The following RPS27L variants were observed in gnomAD, a reference collection of about 807,000 sequenced individuals.
The protein encoded by RPS27L is ribosomal protein eS27-like.
A neutral mutation model predicts 12.8 loss-of-function variants in RPS27L; 10 were observed. The ratio of observed to expected loss-of-function variants is 0.78; its 90% CI spans 0.48 to 1.33. RPS27L has a LOEUF of 1.33. Ranked by LOEUF, RPS27L falls within the 40% of genes most tolerant of loss-of-function variation. The pLI is 0.00. For missense variants in RPS27L, 81 were observed against 97.4 expected (o/e 0.83, Z 0.71); for synonymous variants, 26 against 32.3 (o/e 0.81, Z 0.66).
intron 1 of RPS27L, chr15:63,156,767 T>C: frequency 1.7e-6 from 1 of 590,578 alleles, no homozygotes; most frequent in Non-Finnish European, 2.9e-6. Flanking sequence ...TAAGGCAAAC[T>C]TTGTCCTTCT....
At position 63,156,176 on chromosome 15, in the gene RPS27L, G is replaced by T. The variant is rs150446046; in HGVS notation, c.115+237C>A. On this transcript the variant is annotated intron_variant, in intron 2 of 3. Transcript: ENST00000330964. ...AAACAGAAAACTCATCGTCTGAAGAGCTTAAAGACTTGCTAAGTCAAATGG... is the reference window on the plus strand; with the variant it reads ...AAACAGAAAACTCATCGTCTGAAGATCTTAAAGACTTGCTAAGTCAAATGG... Among the ~76,000 whole-genome samples, 23 of 152,308 alleles carry T rather than the reference G, an allele frequency of 1.5e-4. No homozygotes were observed. In the East Asian group the frequency reaches 4.0e-3, roughly 27 times the overall value.
chr15:63,156,180 A>G (rs1205835964), intron 2 of RPS27L, among the ~76,000 whole-genome samples: 1 of 152,232 alleles, frequency 6.6e-6, no homozygotes, highest in African/African-American at 2.4e-5. Context: ...TGAAGAGCTT[A>G]AAGACTTGCT....
rs1215853023 is a variant in RPS27L at position 63,152,455 on chromosome 15, C to T, written c.*1577G>A. Reference sequence around the variant, plus strand: ...TCAGAAACTAAAAGTCTGAGAATCTCTGGGTCATCTACATATATATGTATA... The same window carrying T: ...TCAGAAACTAAAAGTCTGAGAATCTTTGGGTCATCTACATATATATGTATA... On this transcript the variant is annotated 3_prime_UTR_variant, in exon 4 of 4. Coordinates refer to ENST00000330964, the MANE Select transcript of RPS27L (RefSeq NM_015920.4). 1 of 150,118 alleles carries T rather than the reference C, an allele frequency of 6.7e-6. No individual in the cohort carries two copies. Among genetic ancestry groups the T allele is most frequent in the African/African-American group, 2.4e-5 (1 of 40,878 alleles). The allele number at this position is 150,118 out of a possible 1,614,324, so 9.3% of individuals were successfully genotyped here.
intron 3 of RPS27L, chr15:63,155,344 G>C (rs541140812): frequency 3.4e-5 from 13 of 387,086 alleles, no homozygotes; most frequent in Non-Finnish European, 5.4e-5. Context: ...ATAACATGTA[G>C]TTATTCTTTT....
intron 3 of RPS27L, chr15:63,154,985 G>A (rs1320009542): frequency 6.6e-6 from 1 of 151,944 alleles, no homozygotes; most frequent in Non-Finnish European, 1.5e-5. Context: ...AATTCTATAT[G>A]GTTTTAAAAA....
intron 3 of RPS27L, chr15:63,155,270 A>G (rs865866121): frequency 2.0e-4 from 32 of 159,814 alleles, no homozygotes; most frequent in Middle Eastern, 2.9e-3. Context: ...CCTGGGTGAC[A>G]GAGCGAGACT....
At position 63,157,385 on chromosome 15, in the gene RPS27L, A is replaced by G; in HGVS notation, c.6+15T>C. The G allele has an allele frequency of 6.2e-7, 1 of 1,614,002 alleles. No individual in the cohort carries two copies. On this transcript the variant is annotated intron_variant, in intron 1 of 3. Coordinates refer to ENST00000330964, the MANE Select transcript of RPS27L (RefSeq NM_015920.4). ...AAGCCCAAAACAAACCCGGAGCCCG[A>G]TGTAAACAACTCACAGGCATGTTGA...
rs962738048 is a variant in RPS27L at position 63,157,289 on chromosome 15, C to A, written c.6+111G>T. 18 of 1,228,424 alleles carry A rather than the reference C, an allele frequency of 1.5e-5. No homozygotes were observed. The East Asian group carries it at 4.0e-4, about 27-fold the overall frequency. 76.1% of individuals were successfully genotyped at this position (1,228,424 alleles called of 1,614,324 possible). ...GAAGACGCTGCGCAACCTGAGCCGCCTCGCCACTCTCGGACACTACAGGCC... is the reference window on the plus strand; with the variant it reads ...GAAGACGCTGCGCAACCTGAGCCGCATCGCCACTCTCGGACACTACAGGCC... On this transcript the variant is annotated intron_variant, in intron 1 of 3. Transcript: ENST00000330964.
intron 3 of RPS27L, chr15:63,154,281 A>G (rs2037318470): frequency 2.1e-6 from 1 of 485,148 alleles, no homozygotes; most frequent in Non-Finnish European, 3.6e-6. Flanking sequence ...CTGTTTCTCA[A>G]ATGCTATAAT....
At chr15:63,157,341 C>T in intron 1 of RPS27L, 59 bp downstream of exon 1, 1 of 1,595,930 alleles carries the variant, frequency 6.3e-7, no homozygotes, top group Non-Finnish European at 8.6e-7. Flanking sequence ...TCATCCGTCC[C>T]ATATGACTCT....
chr15:63,157,384 G>T lies in RPS27L; in HGVS notation c.6+16C>A, dbSNP rs994813644. On this transcript the variant is annotated intron_variant, in intron 1 of 3. Transcript: ENST00000330964. ...GAAGCCCAAAACAAACCCGGAGCCC[G>T]ATGTAAACAACTCACAGGCATGTTG... The T allele has an allele frequency of 3.1e-6, 5 of 1,613,862 alleles. No individual in the cohort carries two copies. Among genetic ancestry groups the T allele is most frequent in the Non-Finnish European group, 4.2e-6 (5 of 1,179,868 alleles).
intron 1 of RPS27L, chr15:63,156,848 A>AC (rs2037335802): frequency 1.2e-5 from 6 of 507,522 alleles, no homozygotes; most frequent in Non-Finnish European, 2.1e-5. Flanking sequence ...AAAGAAAGTG[A>AC]CCCCGACTGT....
At chr15:63,154,762 C>A (rs1297183615) in intron 3 of RPS27L, 4 of 151,960 alleles carry the variant, frequency 2.6e-5, no homozygotes, top group Admixed American at 1.3e-4. Flanking sequence ...ACTATGGAAA[C>A]TATATATATA....
chr15:63,156,923 C>T lies in RPS27L; in HGVS notation c.7-402G>A, dbSNP rs982763789. On this transcript the variant is annotated intron_variant, in intron 1 of 3. Transcript: ENST00000330964. ...AACGTCAGCGCCTGGGTGATTTTTGCTCCTGTGGCTCAACAGCTGATCTGA... is the reference window on the plus strand; with the variant it reads ...AACGTCAGCGCCTGGGTGATTTTTGTTCCTGTGGCTCAACAGCTGATCTGA... 7 of 382,054 alleles carry T rather than the reference C, an allele frequency of 1.8e-5. No individual in the cohort carries two copies. In the East Asian group the frequency reaches 4.2e-4, roughly 23 times the overall value. 23.7% of individuals were successfully genotyped at this position (382,054 alleles called of 1,614,324 possible).
At position 63,151,734 on chromosome 15, in the gene RPS27L, C is replaced by A. The variant is rs1170305988; in HGVS notation, c.*2298G>T. The A allele has an allele frequency of 6.6e-6, 1 of 152,174 alleles. No homozygotes were observed. Among genetic ancestry groups the A allele is most frequent in the Non-Finnish European group, 1.5e-5 (1 of 68,048 alleles). The allele number at this position is 152,174 out of a possible 1,614,324, so 9.4% of individuals were successfully genotyped here. A position where few individuals can be genotyped will look rare whatever the true frequency, so the allele number is the denominator to read the frequency against. On this transcript the variant is annotated 3_prime_UTR_variant, in exon 4 of 4. Transcript: ENST00000330964. ...AGTACCTCAGGAAAAACACTTGACA[C>A]TGACGCATCTTTTGTATAAACTACT...
At chr15:63,156,384 A>G in intron 2 of RPS27L, 29 bp downstream of exon 2, 1 of 1,261,032 alleles carries the variant, frequency 7.9e-7, no homozygotes, top group South Asian at 1.3e-5. Context: ...AATTTTCTTT[A>G]GTAAAGGAAT....
At position 63,149,693 on chromosome 15, in the gene RPS27L, C is replaced by T. The variant is rs2037287814; in HGVS notation, c.*4339G>A. 1 of 152,034 alleles carries T rather than the reference C, an allele frequency of 6.6e-6. No individual in the cohort carries two copies. Among genetic ancestry groups the T allele is most frequent in the South Asian group, 2.1e-4 (1 of 4,830 alleles). The allele number at this position is 152,034 out of a possible 1,614,324, so 9.4% of individuals were successfully genotyped here. On this transcript the variant is annotated 3_prime_UTR_variant, in exon 4 of 4. Transcript: ENST00000330964. ...TATTCTGTGGTAGCAGAATAATGGC[C>T]CTCTAAAGATTCCCACACCCTAATC...
intron 2 of RPS27L, 77 bp from the exon 3 acceptor site, chr15:63,155,808 TA>T: frequency 5.9e-6 from 5 of 843,356 alleles, no homozygotes; most frequent in South Asian, 3.2e-5. Context: ...TGGTAATATG[TA>T]AAAAAATCAG....
intron 1 of RPS27L, 167 bp downstream of exon 1, chr15:63,157,233 C>G: frequency 1.3e-6 from 1 of 755,264 alleles, no homozygotes; most frequent in Admixed American, 2.2e-5. Context: ...GCCGCGGTGA[C>G]CGGGCAAGTC....
Sources: gnomAD v4.1 joint callset for allele counts (sites outside exome capture counted in the v4.1 genomes callset) on GRCh38, gnomAD v4.1.1 for gene constraint, MANE v1.5 for transcripts, NCBI Gene and HGNC (gene_info 2026-07-23, HGNC 2026-07-21) for gene names.